RARG: variants seen among roughly 807,000 people sequenced by gnomAD.
RARG encodes RAR-gamma.
Under a neutral mutation model 43.7 loss-of-function variants are expected in RARG, and 17 were observed. The ratio of observed to expected loss-of-function variants is 0.39; its 90% confidence interval spans 0.27 to 0.58. RARG has a LOEUF of 0.58. Among genes scored for constraint, RARG ranks in the 20% least tolerant of loss-of-function variants. RARG has a pLI of 0.57. For missense variants in RARG, 346 were observed against 598.7 expected (o/e 0.58, Z 4.40); for synonymous variants, 238 against 236.4 (o/e 1.01, Z -0.06).
intron 3 of RARG, among the ~76,000 whole-genome samples, chr12:53,217,367 C>T (rs749021861): frequency 3.9e-5 from 6 of 152,204 alleles, no homozygotes; most frequent in African/African-American, 7.2e-5. Flanking sequence ...TCCAAGGGCA[C>T]GTGTTCTGCC....
chr12:53,227,353 G>C lies in RARG; in HGVS notation c.184+9C>G, dbSNP rs1425171258. 1.3e-6 allele frequency: 2 copies of C among 1,528,760 alleles called. No individual in the cohort carries two copies. Among genetic ancestry groups the C allele is most frequent in the African/African-American group, 2.8e-5 (2 of 71,068 alleles). The allele number at this position is 1,528,760 out of a possible 1,614,324, so 94.7% of individuals were successfully genotyped here. On this transcript the variant is annotated intron_variant, in intron 3 of 9. Transcript: ENST00000425354. The surrounding 1 kb of genome is among the most constrained non-coding windows in gnomAD (Gnocchi z 4.3). ...TTTGCCTTCATTCCCCAAGATCCCT[G>C]AGACTCACACAGAGAGGCCATCTCC...
At position 53,213,896 on chromosome 12, in the gene RARG, A is replaced by G; in HGVS notation, c.813+163T>C. The G allele has an allele frequency of 9.2e-7, 1 of 1,084,760 alleles. No individual in the cohort carries two copies. Among genetic ancestry groups the G allele is most frequent in the Non-Finnish European group, 1.3e-6 (1 of 746,696 alleles). 67.2% of individuals were successfully genotyped at this position (1,084,760 alleles called of 1,614,324 possible). A position where few individuals can be genotyped will look rare whatever the true frequency, so the allele number is the denominator to read the frequency against. On this transcript the variant is annotated intron_variant, in intron 7 of 9. Transcript: ENST00000425354. This position sits in a 1 kb window ranked among gnomAD's most constrained non-coding sequence, Gnocchi z 4.7. ...GAGGAGACAGGGCATCCAAAAGTCT[A>G]GGATCAGGTCATAGGGGCAGAGGCT...
chr12:53,213,391 AG>A lies in RARG; in HGVS notation c.1018+104del, dbSNP rs1468312603. On this transcript the variant is annotated intron_variant, in intron 8 of 9. Transcript: ENST00000425354. The surrounding 1 kb of genome is among the most constrained non-coding windows in gnomAD (Gnocchi z 4.7). ...GGGGCCAGGTGCAAGAATTACCAGC[AG>A]AAGAGACCACTGGGTCCTCCACGCC... is the stretch of plus-strand genomic sequence containing the variant. The A allele has an allele frequency of 6.7e-7, 1 of 1,492,684 alleles. No homozygotes were observed. Among genetic ancestry groups the A allele is most frequent in the Admixed American group, 1.8e-5 (1 of 54,562 alleles). The allele number at this position is 1,492,684 out of a possible 1,614,324, so 92.5% of individuals were successfully genotyped here.
intron 1 of RARG, chr12:53,231,513 T>C (rs1377325438): frequency 6.6e-6 from 1 of 152,210 alleles, no homozygotes; most frequent in Non-Finnish European, 1.5e-5. Context: ...CCTCTGGACG[T>C]TTTCCTTGCC....
chr12:53,220,445 C>T, intron 3 of RARG: 1 of 823,772 alleles, frequency 1.2e-6, no homozygotes, highest in Non-Finnish European at 1.7e-6. Flanking sequence ...CCGAGATGAG[C>T]AAAGCTGAGA....
rs769476878 is a variant in RARG at position 53,215,734 on chromosome 12, G to A, written c.245C>T (p.Pro82Leu). ...GCATGGCTTGTAGACCCGAGGAGGC[G>A]GAGGGGGCGAGGGCGAGCTGGGCAC... ...EMVPSSPSPP[P>L]PPRVYKPCFV... The change falls in exon 4 of 10, where the codon CCG becomes CTG. Residue 82 changes from proline to leucine, a missense_variant. Physicochemically the swap from Pro to Leu is moderately conservative, Grantham distance 98 (BLOSUM62 -3). Around this residue, in one of 8 missense-constraint regions of RARG, gnomAD observed 50 missense variants for 117.7 expected, o/e 0.42. Transcript: ENST00000425354. The surrounding 1 kb of genome is among the most constrained non-coding windows in gnomAD (Gnocchi z 6.4). 1.3e-5 allele frequency: 21 copies of A among 1,613,314 alleles called. No individual in the cohort carries two copies. The South Asian group carries it at 1.6e-4, about 13-fold the overall frequency.
Position 53,213,801 on chromosome 12 carries a change from C to A in RARG, c.814-101G>T. The A allele has an allele frequency of 7.7e-7, 1 of 1,292,722 alleles. No individual in the cohort carries two copies. Among genetic ancestry groups the A allele is most frequent in the Non-Finnish European group, 1.1e-6 (1 of 917,156 alleles). 80.1% of individuals were successfully genotyped at this position (1,292,722 alleles called of 1,614,324 possible). The stretch of plus-strand genomic sequence containing the variant: ...GAGGTTAGGTCCCCAGTGAGTGCAA[C>A]CTGAAGCAGGCATGGAGAAGGCAGA... On this transcript the variant is annotated intron_variant, in intron 7 of 9. Coordinates refer to ENST00000425354, the MANE Select transcript of RARG (RefSeq NM_000966.6). The surrounding 1 kb of genome is among the most constrained non-coding windows in gnomAD (Gnocchi z 4.7).
At chr12:53,219,887 C>T in intron 3 of RARG, 2 of 1,376,086 alleles carry the variant, frequency 1.5e-6, no homozygotes, top group Non-Finnish European at 9.7e-7. Flanking sequence ...TCTTTACACA[C>T]GGAAAGAGTA....
At chr12:53,212,779 C>CAT (rs200303961) in intron 9 of RARG, among the ~76,000 whole-genome samples, 2 of 144,678 alleles carry the variant, frequency 1.4e-5, no homozygotes, top group Non-Finnish European at 3.0e-5. Flanking sequence ...CACACACACA[C>CAT]ATACTTGGAA....
intron 3 of RARG, among the ~76,000 whole-genome samples, chr12:53,217,693 T>C (rs1359378376): frequency 6.6e-6 from 1 of 152,214 alleles, no homozygotes; most frequent in African/African-American, 2.4e-5. Flanking sequence ...AGACTCGGGC[T>C]TAGACCCCAC....
At chr12:53,225,487 G>T (rs566495376) in intron 3 of RARG, among the ~76,000 whole-genome samples, 27 of 152,272 alleles carry the variant, frequency 1.8e-4, no homozygotes, top group African/African-American at 6.5e-4. Flanking sequence ...TGCCAGCCCA[G>T]CCTAGTCACC....
chr12:53,220,925 C>CCGCCCT (rs1311775189), intron 3 of RARG, among the ~76,000 whole-genome samples: 1 of 152,046 alleles, frequency 6.6e-6, no homozygotes, highest in Non-Finnish European at 1.5e-5. Flanking sequence ...AGGCCTGGCT[C>CCGCCCT]CGCCCTCGCC....
intron 3 of RARG, among the ~76,000 whole-genome samples, chr12:53,222,235 GAAAGA>G (rs924976012): frequency 1.3e-5 from 2 of 148,852 alleles, no homozygotes; most frequent in Non-Finnish European, 3.0e-5. Context: ...GAAAGAGAGA[GAAAGA>G]AAAGAAAGAG....
At position 53,210,856 on chromosome 12, in the gene RARG, C is replaced by G. The variant is rs967559064; in HGVS notation, c.*820G>C. ...AAATAAATAGAGGCTTCCTCTGGGT[C>G]AGGGCGGGATCAGCTAAGCAGCATC... On this transcript the variant is annotated 3_prime_UTR_variant, in exon 10 of 10. Coordinates refer to ENST00000425354, the MANE Select transcript of RARG (RefSeq NM_000966.6). The G allele has an allele frequency of 6.5e-6, 1 of 152,692 alleles. No homozygotes were observed. Among genetic ancestry groups the G allele is most frequent in the Non-Finnish European group, 1.5e-5 (1 of 68,076 alleles). The allele number at this position is 152,692 out of a possible 1,614,324, so 9.5% of individuals were successfully genotyped here.
Position 53,213,340 on chromosome 12 carries a change from G to C in RARG, c.1019-97C>G. 2.7e-6 allele frequency: 4 copies of C among 1,488,652 alleles called. No homozygotes were observed. The highest frequency in any genetic ancestry group is 3.7e-6 in the Non-Finnish European group (4 of 1,079,566). The allele number at this position is 1,488,652 out of a possible 1,614,324, so 92.2% of individuals were successfully genotyped here. On this transcript the variant is annotated intron_variant, in intron 8 of 9. Coordinates refer to ENST00000425354, the MANE Select transcript of RARG (RefSeq NM_000966.6). This position sits in a 1 kb window ranked among gnomAD's most constrained non-coding sequence, Gnocchi z 4.7. ...CACCAACCGGCGTTTTGGGAAGCCTGTACAGGGTTTCAGAACTCTCTGGAT... is the reference window on the plus strand; with the variant it reads ...CACCAACCGGCGTTTTGGGAAGCCTCTACAGGGTTTCAGAACTCTCTGGAT...
chr12:53,223,250 C>G (rs1452791486), intron 3 of RARG, among the ~76,000 whole-genome samples: 2 of 152,060 alleles, frequency 1.3e-5, no homozygotes, highest in African/African-American at 4.8e-5. Flanking sequence ...AACCTTCCCT[C>G]GAAAAGCTGA....
chr12:53,223,533 C>G (rs535716205), intron 3 of RARG, among the ~76,000 whole-genome samples: 14 of 147,766 alleles, frequency 9.5e-5, no homozygotes, highest in African/African-American at 3.1e-4. Context: ...GCCCCCCCCC[C>G]GCCCAAGAGG....
rs1942844744 is a variant in RARG at position 53,218,604 on chromosome 12, A to C, written c.185-2810T>G. On this transcript the variant is annotated intron_variant, in intron 3 of 9. Coordinates refer to ENST00000425354, the MANE Select transcript of RARG (RefSeq NM_000966.6). ...TTCTTCCCCCACCCCACCCAAAAGT[A>C]AAGTCAAGTCCGGTCTCCTGGTTTG... Among the ~76,000 whole-genome samples the C allele has an allele frequency of 3.3e-5, 5 of 152,148 alleles. 1 individual carries two copies. The highest frequency in any genetic ancestry group is 9.6e-5 in the African/African-American group (4 of 41,514).
In RARG at chr12:53,231,964, C is replaced by A. The variant is rs976418344; in HGVS notation, c.-210+10G>T. The A allele has an allele frequency of 1.3e-5, 5 of 396,052 alleles. No individual in the cohort carries two copies. The highest frequency in any genetic ancestry group is 2.2e-5 in the Non-Finnish European group (5 of 224,872). 24.5% of individuals were successfully genotyped at this position (396,052 alleles called of 1,614,324 possible). On this transcript the variant is annotated intron_variant, in intron 1 of 9. Transcript: ENST00000425354. Reference sequence around the variant, plus strand: ...CGGGGCGGGCGAGCCTGCTTCCCCGCCTGACTCACCTGGAGTGGGAGGGGG... The same window carrying A: ...CGGGGCGGGCGAGCCTGCTTCCCCGACTGACTCACCTGGAGTGGGAGGGGG...
Sources: allele counts gnomAD v4.1 joint callset (sites outside exome capture counted in the v4.1 genomes callset), GRCh38; gene constraint gnomAD v4.1.1; regional missense constraint gnomAD v4.1.1; non-coding constraint Gnocchi (gnomAD v3.1); transcripts MANE v1.5; gene names NCBI Gene and HGNC (gene_info 2026-07-23, HGNC 2026-07-21).